Variants in AFAP1 observed in about 807,000 individuals in gnomAD.
AFAP1 encodes the protein actin filament associated protein 1.
Under a neutral mutation model 93.9 loss-of-function variants are expected in AFAP1, and 75 were observed. That is an observed-to-expected ratio of 0.80 (90% CI 0.66 to 0.97). The LOEUF is 0.97. AFAP1 is among the 50% of genes least tolerant of loss of function. AFAP1 has a pLI of 0.00. For synonymous variants in AFAP1, 517 were observed against 430.7 expected (o/e 1.20, Z -2.48); for missense variants, 1,201 against 1,050.8 (o/e 1.14, Z -1.98).
chr4:7,927,380 G>C (rs55767717), intron 1 of AFAP1, among the ~76,000 whole-genome samples: 47,051 of 152,156 alleles, frequency 0.31, 8,617 homozygotes, highest in Non-Finnish European at 0.43. Context: ...GCCTCTCTGT[G>C]GTTCAGTTTC....
chr4:7,776,661 C>T (rs1716158054), intron 14 of AFAP1: 1 of 152,162 alleles, frequency 6.6e-6, no homozygotes, highest in East Asian at 1.9e-4. Context: ...AGTGATCACT[C>T]CCCAGTCAAT....
intron 1 of AFAP1, among the ~76,000 whole-genome samples, chr4:7,886,128 C>T (rs1321839787): frequency 6.6e-6 from 1 of 152,218 alleles, no homozygotes; most frequent in Non-Finnish European, 1.5e-5. Context: ...AGCTGGACTG[C>T]ATCTAAAATT....
chr4:7,786,050 CA>C (rs1717223681), intron 12 of AFAP1, 143 bp downstream of exon 12: 4 of 683,492 alleles, frequency 5.9e-6, no homozygotes, highest in African/African-American at 5.4e-5. Context: ...ACCAGGAGAA[CA>C]GAGATGAGAT....
chr4:7,853,454 T>C (rs1022442690), intron 4 of AFAP1, among the ~76,000 whole-genome samples: 6 of 152,170 alleles, frequency 3.9e-5, no homozygotes, highest in African/African-American at 1.2e-4. Context: ...ACGTGGGCTG[T>C]TGCTGGTCAC....
At chr4:7,860,426 T>C (rs866330617) in intron 3 of AFAP1, among the ~76,000 whole-genome samples, 43 of 152,222 alleles carry the variant, frequency 2.8e-4, no homozygotes, top group African/African-American at 8.4e-4. Flanking sequence ...GACATGTTCA[T>C]TGGACCATTT....
At chr4:7,879,050 C>G (rs147861272) in intron 1 of AFAP1, among the ~76,000 whole-genome samples, 3 of 152,270 alleles carry the variant, frequency 2.0e-5, no homozygotes, top group Non-Finnish European at 4.4e-5. Context: ...AGTTCTTACA[C>G]TAAAAAATGA....
intron 1 of AFAP1, among the ~76,000 whole-genome samples, chr4:7,893,973 C>G (rs1281650388): frequency 6.6e-6 from 1 of 152,222 alleles, no homozygotes; most frequent in East Asian, 1.9e-4. Context: ...GAGGCTTCAA[C>G]AGAGGCTGAG....
intron 6 of AFAP1, among the ~76,000 whole-genome samples, chr4:7,834,092 TACACACAC>T (rs142790415): frequency 4.7e-4 from 60 of 126,666 alleles, no homozygotes; most frequent in South Asian, 2.1e-3. Context: ...AACTGTGGCA[TACACACAC>T]ACACACACAC....
At chr4:7,817,404 C>T (rs1046803758) in intron 7 of AFAP1, among the ~76,000 whole-genome samples, 2 of 152,072 alleles carry the variant, frequency 1.3e-5, no homozygotes, top group African/African-American at 4.8e-5. Flanking sequence ...AGTTCGAGAC[C>T]AGCCTGACCA....
chr4:7,814,262 A>G (rs1720284052), intron 8 of AFAP1, among the ~76,000 whole-genome samples: 1 of 152,264 alleles, frequency 6.6e-6, no homozygotes, highest in South Asian at 2.1e-4. Context: ...AACATATTTA[A>G]AAATGTTCAA....
intron 1 of AFAP1, among the ~76,000 whole-genome samples, chr4:7,931,678 A>G (rs1721077218): frequency 6.6e-6 from 1 of 151,410 alleles, no homozygotes; most frequent in African/African-American, 2.4e-5. Flanking sequence ...CCACCACACC[A>G]GGACCAAGTG....
intron 12 of AFAP1, among the ~76,000 whole-genome samples, chr4:7,783,569 C>T (rs1299159292): frequency 3.3e-5 from 5 of 152,226 alleles, no homozygotes; most frequent in Non-Finnish European, 7.3e-5. Context: ...AGCAAGGAAG[C>T]CACAAACATG....
intron 11 of AFAP1, chr4:7,788,795 C>G (rs1717555885): frequency 6.6e-6 from 1 of 151,962 alleles, no homozygotes; most frequent in African/African-American, 2.4e-5. Flanking sequence ...GGGACCATCC[C>G]CTCCCCTGTG....
chr4:7,783,824 G>A (rs1293539524), intron 12 of AFAP1, among the ~76,000 whole-genome samples: 1 of 152,238 alleles, frequency 6.6e-6, no homozygotes, highest in Non-Finnish European at 1.5e-5. Context: ...TGTAAGGCGT[G>A]CATGTGGAGA....
At chr4:7,782,854 C>T (rs997811146) in intron 12 of AFAP1, among the ~76,000 whole-genome samples, 14 of 152,190 alleles carry the variant, frequency 9.2e-5, no homozygotes, top group Admixed American at 4.6e-4. Flanking sequence ...CTAAAAATAA[C>T]GGCTCCTGCA....
Position 7,939,476 on chromosome 4 carries a change from A to AC in AFAP1, c.-3+179dup, listed in dbSNP as rs1721603485. 2 of 298,424 alleles carry AC rather than the reference A, an allele frequency of 6.7e-6. No homozygotes were observed. The highest frequency in any genetic ancestry group is 1.3e-5 in the Non-Finnish European group (2 of 156,794). 18.5% of individuals were successfully genotyped at this position (298,424 alleles called of 1,614,324 possible). Reference sequence around the variant, plus strand: ...GGCCCCCACCCGCAGGACGACCGGGACCCCCGCGCGGGCCCACGCGGCGTC... The same window carrying AC: ...GGCCCCCACCCGCAGGACGACCGGGACCCCCCGCGCGGGCCCACGCGGCGTC... On this transcript the variant is annotated intron_variant, in intron 1 of 17. Transcript: ENST00000420658. This position sits in a 1 kb window ranked among gnomAD's most constrained non-coding sequence, Gnocchi z 5.6.
At chr4:7,890,437 T>C (rs946240248) in intron 1 of AFAP1, among the ~76,000 whole-genome samples, 5 of 152,266 alleles carry the variant, frequency 3.3e-5, no homozygotes, top group East Asian at 1.9e-4. Context: ...AATGAAAACA[T>C]AGGCAAAAAT....
intron 1 of AFAP1, among the ~76,000 whole-genome samples, chr4:7,879,626 C>T (rs955478350): frequency 6.6e-6 from 1 of 150,860 alleles, no homozygotes; most frequent in Non-Finnish European, 1.5e-5. Context: ...ATATTTTATA[C>T]ATTAGAAAAG....
intron 10 of AFAP1, 135 bp from the exon 11 acceptor site, chr4:7,793,961 T>C (rs1022781138): frequency 1.3e-4 from 134 of 1,004,258 alleles, no homozygotes; most frequent in Non-Finnish European, 1.3e-4. Context: ...AAAAGGAAGA[T>C]GGCTGAGCGA....
Sources: gnomAD v4.1 joint callset for allele counts (sites outside exome capture counted in the v4.1 genomes callset) on GRCh38, gnomAD v4.1.1 for gene constraint, Gnocchi (gnomAD v3.1) non-coding constraint, MANE v1.5 for transcripts, NCBI Gene and HGNC (gene_info 2026-07-23, HGNC 2026-07-21) for gene names.